Variants in SHQ1 observed in about 807,000 individuals in gnomAD.
SHQ1 encodes protein SHQ1 homolog.
Under a neutral mutation model 53.8 loss-of-function variants are expected in SHQ1, and 49 were observed. The observed-to-expected ratio is 0.91, with a 90% CI of 0.72 to 1.16. SHQ1 has a LOEUF of 1.16. Ranked by LOEUF, SHQ1 falls within the 50% of genes most tolerant of loss-of-function variation. SHQ1 has a pLI of 0.00. For synonymous variants in SHQ1, 243 were observed against 251.0 expected, an observed-to-expected ratio of 0.97 and a Z score of 0.30; for missense variants, 738 against 683.1, an observed-to-expected ratio of 1.08 and a Z score of -0.90.
At position 72,842,300 on chromosome 3, in the gene SHQ1, T is replaced by C. The variant is rs780001102; in HGVS notation, c.311A>G (p.Lys104Arg). Residue 104 changes from lysine (K) to arginine (R), a missense_variant, in exon 3 of 11, where the codon AAA (lysine) becomes AGA (arginine). By Grantham distance (26) the Lys-to-Arg change is conservative. Coordinates refer to ENST00000325599, the MANE Select transcript of SHQ1 (RefSeq NM_018130.3). ...LLAPRKSRTA[K>R]PLVEEIGASE... ...CATACCTATTTCTTCCACAAGTGGT[T>C]TTGCTGTCCTGGATTTTCTTGGTGC... is the stretch of plus-strand genomic sequence containing the variant. 6.2e-7 allele frequency: 1 copy of C among 1,613,740 alleles called. No individual in the cohort carries two copies. Among genetic ancestry groups the C allele is most frequent in the South Asian group, 1.1e-5 (1 of 91,062 alleles).
At chr3:72,736,989 G>C in the SHQ1 span, among the ~76,000 whole-genome samples, 3 of 151,928 alleles carry the variant, frequency 2.0e-5, no homozygotes, top group Non-Finnish European at 4.4e-5. Flanking sequence ...GTAGGGTTAG[G>C]CCGGGGGTGG....
chr3:72,845,892 T>C (rs1285166415), intron 1 of SHQ1, among the ~76,000 whole-genome samples: 1 of 152,186 alleles, frequency 6.6e-6, no homozygotes, highest in African/African-American at 2.4e-5. Context: ...TATGGATGAG[T>C]TTGTTATAAT....
chr3:72,770,863 C>T (rs1449179735), intron 10 of SHQ1, among the ~76,000 whole-genome samples: 3 of 152,156 alleles, frequency 2.0e-5, no homozygotes, highest in African/African-American at 4.8e-5. Flanking sequence ...AGTAGGTGAT[C>T]CCCAGAAGTT....
rs553259435 is a variant in SHQ1 at position 72,808,356 on chromosome 3, G to C, written c.1060+4315C>G. On this transcript the variant is annotated intron_variant, in intron 9 of 10. Transcript: ENST00000325599. ...CCCACAACCCACTCTGGACTATTTT[G>C]AAGCAAATTCCAGGCTTCATATAAT... Among the ~76,000 whole-genome samples the C allele has an allele frequency of 3.9e-5, 6 of 152,248 alleles. No individual in the cohort carries two copies. The South Asian group carries it at 1.2e-3, about 32-fold the overall frequency.
chr3:72,747,331 A>G (rs1224673631), downstream of SHQ1, among the ~76,000 whole-genome samples: 3 of 152,198 alleles, frequency 2.0e-5, no homozygotes, highest in Non-Finnish European at 4.4e-5. Flanking sequence ...TACACTTCCA[A>G]TCCCGATGGA....
At chr3:72,806,381 A>G (rs1378102083) in intron 9 of SHQ1, among the ~76,000 whole-genome samples, 3 of 152,190 alleles carry the variant, frequency 2.0e-5, no homozygotes, top group Admixed American at 6.5e-5. Flanking sequence ...ATTCCATGCT[A>G]GTTTCTGAGA....
At chr3:72,758,738 T>G (rs1705552760) in intron 10 of SHQ1, among the ~76,000 whole-genome samples, 1 of 151,812 alleles carries the variant, frequency 6.6e-6, no homozygotes, top group African/African-American at 2.4e-5. Flanking sequence ...CCCGGCTAAT[T>G]TTTGTATTTT....
chr3:72,846,989 T>C (rs921305854), intron 1 of SHQ1, among the ~76,000 whole-genome samples: 3 of 152,180 alleles, frequency 2.0e-5, no homozygotes, highest in African/African-American at 7.2e-5. Context: ...TTATAAAACA[T>C]GGGCCCTTTT....
chr3:72,831,809 C>A (rs537777549), intron 5 of SHQ1, among the ~76,000 whole-genome samples: 3 of 152,126 alleles, frequency 2.0e-5, no homozygotes, highest in African/African-American at 7.2e-5. Context: ...TACATTATAG[C>A]CAAAAACACA....
chr3:72,773,077 G>T (rs1332687430), intron 10 of SHQ1: 2 of 827,166 alleles, frequency 2.4e-6, no homozygotes, highest in Admixed American at 1.9e-5. Context: ...TAAGTACTCG[G>T]AAATGAGTGA....
chr3:72,749,454 A>G lies in SHQ1; in HGVS notation c.*830T>C, dbSNP rs1158631050. Reference sequence around the variant, plus strand: ...CACATGGATGAATCTCAAAATAACTATACTGAGTAAAATATGCCTGACCAA... The same window carrying G: ...CACATGGATGAATCTCAAAATAACTGTACTGAGTAAAATATGCCTGACCAA... On this transcript the variant is annotated 3_prime_UTR_variant, in exon 11 of 11. Transcript: ENST00000325599. The G allele has an allele frequency of 1.4e-5, 3 of 217,202 alleles. No individual in the cohort carries two copies. Among genetic ancestry groups the G allele is most frequent in the South Asian group, 3.7e-4 (2 of 5,386 alleles). 13.5% of individuals were successfully genotyped at this position (217,202 alleles called of 1,614,324 possible).
the SHQ1 span, among the ~76,000 whole-genome samples, chr3:72,726,761 G>A: frequency 6.6e-6 from 1 of 152,182 alleles, no homozygotes. Context: ...GACACCTCGG[G>A]ATGATTGAGG....
intron 10 of SHQ1, among the ~76,000 whole-genome samples, chr3:72,751,379 C>G (rs150027262): frequency 0.018 from 2,797 of 151,850 alleles, 80 homozygotes; most frequent in Non-Finnish European, 0.021. Context: ...AAGATCACAC[C>G]ACTGCACTCC....
At chr3:72,765,553 A>ATTTTT (rs1301529961) in intron 10 of SHQ1, among the ~76,000 whole-genome samples, 5 of 85,468 alleles carry the variant, frequency 5.9e-5, no homozygotes, top group African/African-American at 2.8e-4. Flanking sequence ...ATATATATAT[A>ATTTTT]TATATTTTTT....
intron 5 of SHQ1, among the ~76,000 whole-genome samples, chr3:72,828,125 G>A (rs901158380): frequency 2.6e-5 from 4 of 152,184 alleles, no homozygotes; most frequent in African/African-American, 9.7e-5. Context: ...TCATCAGGAA[G>A]ATGAAGATCT....
intron 9 of SHQ1, among the ~76,000 whole-genome samples, chr3:72,805,591 T>C (rs1350791988): frequency 6.6e-6 from 1 of 152,180 alleles, no homozygotes; most frequent in East Asian, 1.9e-4. Flanking sequence ...GTTCTAGGGA[T>C]TTCTACACTG....
intron 5 of SHQ1, among the ~76,000 whole-genome samples, chr3:72,826,786 G>C (rs1346520249): frequency 6.6e-6 from 1 of 152,158 alleles, no homozygotes; most frequent in Non-Finnish European, 1.5e-5. Flanking sequence ...AAACAAGAAG[G>C]CACATTTAAG....
intron 1 of SHQ1, chr3:72,846,450 C>G (rs1359458663): frequency 1.4e-6 from 1 of 700,948 alleles, no homozygotes; most frequent in Non-Finnish European, 2.3e-6. Context: ...CGCGTGCCAT[C>G]AAGCCCAGAT....
At chr3:72,797,223 A>G (rs999177718) in intron 9 of SHQ1, among the ~76,000 whole-genome samples, 2 of 152,178 alleles carry the variant, frequency 1.3e-5, no homozygotes, top group Non-Finnish European at 2.9e-5. Context: ...ACGCCATTGC[A>G]CTCAAGCCTG....
Sources: allele counts gnomAD v4.1 joint callset (sites outside exome capture counted in the v4.1 genomes callset), GRCh38; gene constraint gnomAD v4.1.1; transcripts MANE v1.5; gene names NCBI Gene and HGNC (gene_info 2026-07-23, HGNC 2026-07-21).